The following MACO1 variants were observed in gnomAD, a reference collection of about 807,000 sequenced individuals.
The protein encoded by MACO1 is macoilin.
MACO1 carries 14 observed loss-of-function variants against 78.7 expected under a neutral mutation model. The observed-to-expected ratio is 0.18, with a 90% CI of 0.12 to 0.28. MACO1 has a LOEUF of 0.28. Among genes scored for constraint, MACO1 ranks in the 10% least tolerant of loss-of-function variants. MACO1 has a pLI of 1.00. For synonymous variants in MACO1, 288 were observed against 291.6 expected (o/e 0.99, Z 0.12); for missense variants, 501 against 799.0 (o/e 0.63, Z 4.50).
In MACO1 at chr1:25,481,018, A is replaced by G. The variant is rs1011122154; in HGVS notation, c.1155-3098A>G. On this transcript the variant is annotated intron_variant, in intron 6 of 10. Coordinates refer to ENST00000374343, the MANE Select transcript of MACO1 (RefSeq NM_018202.6). ...TCAGAAGTTATAATCTAGATATTTT[A>G]TGCTTTTTGGTCTCATAACTGCATT... Among the ~76,000 whole-genome samples, 5 of 135,740 alleles carry G rather than the reference A, an allele frequency of 3.7e-5. No homozygotes were observed. The Admixed American group carries it at 3.9e-4, about 11-fold the overall frequency. 89.1% of individuals were successfully genotyped at this position (135,740 alleles called of 152,430 possible). A position where few individuals can be genotyped will look rare whatever the true frequency, so the allele number is the denominator to read the frequency against.
At chr1:25,489,986 GA>G (rs1256034116) in intron 9 of MACO1, among the ~76,000 whole-genome samples, 2 of 151,804 alleles carry the variant, frequency 1.3e-5, no homozygotes, top group East Asian at 1.9e-4. Flanking sequence ...AATAACTGGA[GA>G]AAAAAAATTA....
intron 1 of MACO1, among the ~76,000 whole-genome samples, chr1:25,435,751 G>A (rs2124566661): frequency 6.6e-6 from 1 of 152,310 alleles, no homozygotes; most frequent in African/African-American, 2.4e-5. Flanking sequence ...GATAGATTCT[G>A]TATTGTTTTA....
intron 5 of MACO1, among the ~76,000 whole-genome samples, chr1:25,457,682 T>G (rs1344451320): frequency 2.0e-5 from 3 of 152,244 alleles, no homozygotes; most frequent in Non-Finnish European, 4.4e-5. Context: ...AATAGATAAT[T>G]GGCAGTAGCT....
At chr1:25,454,836 A>T (rs1388229516) in intron 4 of MACO1, among the ~76,000 whole-genome samples, 1 of 152,106 alleles carries the variant, frequency 6.6e-6, no homozygotes, top group Non-Finnish European at 1.5e-5. Context: ...TGTTAAGTTC[A>T]ACTGTAAATT....
chr1:25,486,120 A>AT (rs1190642436), intron 8 of MACO1, among the ~76,000 whole-genome samples: 1 of 152,130 alleles, frequency 6.6e-6, no homozygotes, highest in East Asian at 1.9e-4. Flanking sequence ...GCATTGAGAG[A>AT]TTCTATCTGG....
intron 8 of MACO1, among the ~76,000 whole-genome samples, chr1:25,487,807 G>T (rs2043447576): frequency 1.3e-5 from 2 of 152,120 alleles, no homozygotes; most frequent in South Asian, 4.1e-4. Context: ...TGTGTGTATT[G>T]TCTCAAGTCT....
At chr1:25,466,866 T>C (rs1486387304) in intron 6 of MACO1, among the ~76,000 whole-genome samples, 1 of 152,188 alleles carries the variant, frequency 6.6e-6, no homozygotes, top group Non-Finnish European at 1.5e-5. Context: ...TGTCCTGCTT[T>C]TTTCACTTAA....
At chr1:25,465,311 G>A (rs1208391352) in intron 6 of MACO1, among the ~76,000 whole-genome samples, 1 of 152,160 alleles carries the variant, frequency 6.6e-6, no homozygotes, top group Non-Finnish European at 1.5e-5. Context: ...AGCTTCTTTG[G>A]ATAAATTCCA....
At chr1:25,469,633 CTTTTTTT>C (rs1222159978) in intron 6 of MACO1, among the ~76,000 whole-genome samples, 1 of 127,450 alleles carries the variant, frequency 7.8e-6, no homozygotes, top group Admixed American at 8.1e-5. Context: ...TAACCTCTGA[CTTTTTTT>C]TTTTTTTTTT....
intron 9 of MACO1, 56 bp downstream of exon 9, chr1:25,489,349 T>C: frequency 1.3e-6 from 2 of 1,597,076 alleles, no homozygotes; most frequent in Non-Finnish European, 1.7e-6. Flanking sequence ...TATGCTAAAC[T>C]TGTGCTCTGT....
chr1:25,460,549 C>T (rs991834946), intron 6 of MACO1, among the ~76,000 whole-genome samples: 4 of 151,986 alleles, frequency 2.6e-5, no homozygotes, highest in Non-Finnish European at 5.9e-5. Context: ...GGACTACAGG[C>T]GCATGCCACT....
rs1226250697 is a variant in MACO1, at chr1:25,458,521, G to C, written c.783G>C (p.Lys261Asn). 1 of 1,613,768 alleles carries C rather than the reference G, an allele frequency of 6.2e-7. No homozygotes were observed. The highest frequency in any genetic ancestry group is 8.5e-7 in the Non-Finnish European group (1 of 1,179,956). ...GAGAAAAAGGGAAAGAAAAGGACAA[G>C]GATGCCAAAAAACACAACCTTGGAA... ...EYREKGKEKD[K>N]DAKKHNLGIN... The change falls in exon 6 of 11, where the codon AAG (lysine) becomes AAC (asparagine). Residue 261 changes from lysine (K) to asparagine (N), a missense_variant. Transcript: ENST00000374343.
At position 25,456,821 on chromosome 1, in the gene MACO1, G is replaced by T. The variant is rs1227440445; in HGVS notation, c.642G>T (p.Glu214Asp). The change falls in exon 5 of 11, where the codon GAG (glutamate) becomes GAT (aspartate). Residue 214 changes from glutamate (E) to aspartate (D), a missense_variant. By Grantham distance (45) the Glu-to-Asp change is conservative (BLOSUM62 2). This residue lies in a region of MACO1 where 171 missense variants were observed against 292.1 expected (regional missense o/e 0.59). Coordinates refer to ENST00000374343, the MANE Select transcript of MACO1 (RefSeq NM_018202.6). ...AGATGCTACAGAAGCAAGAAAAAGA[G>T]GCCGAGGAAGGTAGGTCTTTACCCT... ...EQQMLQKQEK[E>D]AEEAAKGLPD... 1 of 1,608,750 alleles carries T rather than the reference G, an allele frequency of 6.2e-7. No individual in the cohort carries two copies. The highest frequency in any genetic ancestry group is 1.3e-5 in the African/African-American group (1 of 74,352).
intron 6 of MACO1, among the ~76,000 whole-genome samples, chr1:25,477,226 T>C (rs946398783): frequency 2.0e-5 from 3 of 152,216 alleles, no homozygotes; most frequent in African/African-American, 7.2e-5. Context: ...GTTTAATTTT[T>C]GTTGTTTTTT....
intron 6 of MACO1, among the ~76,000 whole-genome samples, chr1:25,472,855 G>A (rs2043286223): frequency 1.3e-5 from 2 of 152,176 alleles, no homozygotes; most frequent in Non-Finnish European, 2.9e-5. Flanking sequence ...ATAATTTTTC[G>A]GAACAGCATT....
intron 6 of MACO1, 93 bp downstream of exon 6, chr1:25,458,985 A>C: frequency 6.9e-7 from 1 of 1,457,682 alleles, no homozygotes; most frequent in Non-Finnish European, 9.2e-7. Flanking sequence ...GATTGTTTGT[A>C]ATCAGATATT....
At chr1:25,480,930 ATAT>A (rs1243791818) in intron 6 of MACO1, among the ~76,000 whole-genome samples, 83 of 75,228 alleles carry the variant, frequency 1.1e-3, no homozygotes, top group African/African-American at 1.8e-3. Flanking sequence ...AAAAAAAAAA[ATAT>A]ATATATATAT....
At chr1:25,495,346 C>T (rs68020227) in intron 10 of MACO1, among the ~76,000 whole-genome samples, 63,236 of 152,068 alleles carry the variant, frequency 0.42, 14,462 homozygotes, top group East Asian at 0.73. Flanking sequence ...TTTCCTGTTA[C>T]TGATTAAAGA....
Position 25,431,175 on chromosome 1 carries a change from G to T in MACO1, c.77G>T (p.Gly26Val), listed in dbSNP as rs1448170826. ...KRNRITEGIY[G>V]STFLYLKFLV... The stretch of plus-strand genomic sequence containing the variant: ...AACCGGATCACCGAGGGCATTTACG[G>T]CAGGTGAGCGGCTGCACCCCCACTC... The change falls in exon 1 of 11, where the codon GGC becomes GTC. Residue 26 changes from glycine (G) to valine (V), a missense_variant. This residue lies in a region of MACO1 where 171 missense variants were observed against 292.1 expected (regional missense o/e 0.59). Transcript: ENST00000374343. 5 of 1,592,894 alleles carry T rather than the reference G, an allele frequency of 3.1e-6. No individual in the cohort carries two copies. Among genetic ancestry groups the T allele is most frequent in the Non-Finnish European group, 4.3e-6 (5 of 1,172,644 alleles).
Sources: allele counts gnomAD v4.1 joint callset (sites outside exome capture counted in the v4.1 genomes callset), GRCh38; gene constraint gnomAD v4.1.1; regional missense constraint gnomAD v4.1.1; transcripts MANE v1.5; gene names NCBI Gene and HGNC (gene_info 2026-07-23, HGNC 2026-07-21).